Variants in FARP1 observed in about 807,000 individuals in gnomAD.
The protein encoded by FARP1 is FERM, ARHGEF and pleckstrin domain-containing protein 1.
A neutral mutation model predicts 128.8 loss-of-function variants in FARP1; 52 were observed. The observed-to-expected ratio is 0.40, with a 90% CI of 0.32 to 0.51. FARP1 has a LOEUF of 0.51. Ranked by LOEUF, FARP1 falls within the 20% of genes least tolerant of loss-of-function variation. The probability of loss-of-function intolerance (pLI) is 0.45; values close to 1 mark genes in which losing one functional copy is unlikely to be tolerated. For synonymous variants in FARP1, 580 were observed against 551.8 expected (o/e 1.05, Z -0.72); for missense variants, 1,333 against 1,367.9 (o/e 0.97, Z 0.40).
chr13:98,226,967 G>A (rs1881816869), intron 2 of FARP1, among the ~76,000 whole-genome samples: 1 of 151,594 alleles, frequency 6.6e-6, no homozygotes, highest in Non-Finnish European at 1.5e-5. Context: ...TTGAGATGGA[G>A]TCTTGCTCTG....
rs76240666 is a variant in FARP1 at position 98,215,141 on chromosome 13, A to G, written c.171+1728A>G. Reference sequence around the variant, plus strand: ...GAAAGTCAAGACCCCATTCCTAGCTACTATTTAGCAGCTATCCAGGAACTC... The same window carrying G: ...GAAAGTCAAGACCCCATTCCTAGCTGCTATTTAGCAGCTATCCAGGAACTC... On this transcript the variant is annotated intron_variant, in intron 2 of 26. Transcript: ENST00000319562. 1.4e-3 allele frequency among the ~76,000 whole-genome samples: 210 copies of G among 152,294 alleles called. 1 individual carries two copies. Among genetic ancestry groups the G allele is most frequent in the African/African-American group, 4.8e-3 (201 of 41,556 alleles).
chr13:98,363,373 G>T lies in FARP1; in HGVS notation c.277-2022G>T, dbSNP rs1888952920. On this transcript the variant is annotated intron_variant, in intron 3 of 26. Coordinates refer to ENST00000319562, the MANE Select transcript of FARP1 (RefSeq NM_005766.4). ...CTTCCGTGTGTATTGCATATATATAGAATTTTCTGCATATTGTGGTGTTTT... is the reference window on the plus strand; with the variant it reads ...CTTCCGTGTGTATTGCATATATATATAATTTTCTGCATATTGTGGTGTTTT... 2.6e-5 allele frequency among the ~76,000 whole-genome samples: 4 copies of T among 152,200 alleles called. No individual in the cohort carries two copies. In the South Asian group the frequency reaches 8.3e-4, roughly 32 times the overall value.
rs780995828 is a variant in FARP1 at position 98,446,209 on chromosome 13, A to G, written c.2904+4A>G. ...GTTCTTCTACAAATCACACCAGGTA[A>G]GTGTCTCGCACAGGGCAGGTGGCCC... On this transcript the variant is annotated splice_donor_region_variant and intron_variant, in intron 25 of 26. Coordinates refer to ENST00000319562, the MANE Select transcript of FARP1 (RefSeq NM_005766.4). 2.5e-6 allele frequency: 4 copies of G among 1,601,624 alleles called. No individual in the cohort carries two copies. Among genetic ancestry groups the G allele is most frequent in the Non-Finnish European group, 3.4e-6 (4 of 1,168,928 alleles).
rs145416263 is a variant in FARP1, at chr13:98,282,293, A to G, written c.172-61469A>G. On this transcript the variant is annotated intron_variant, in intron 2 of 26. Transcript: ENST00000319562. The stretch of plus-strand genomic sequence containing the variant: ...ACAGAGTGGGACCCTGTCTCAAAAA[A>G]GGAAAAAACAAAAAACAAAAACCCC... 1.1e-3 allele frequency among the ~76,000 whole-genome samples: 168 copies of G among 152,308 alleles called. 2 individuals are homozygous for G. In the East Asian group the frequency reaches 0.029, roughly 26 times the overall value.
intron 2 of FARP1, among the ~76,000 whole-genome samples, chr13:98,324,276 C>T (rs928481877): frequency 2.0e-5 from 3 of 152,154 alleles, no homozygotes; most frequent in Non-Finnish European, 4.4e-5. Flanking sequence ...AAGGAAGCCT[C>T]ATTTTCATGA....
intron 1 of FARP1, among the ~76,000 whole-genome samples, chr13:98,198,468 C>T (rs937719392): frequency 1.3e-5 from 2 of 152,172 alleles, no homozygotes; most frequent in African/African-American, 4.8e-5. Flanking sequence ...CGCGGTGGCT[C>T]ATACTGTAAT....
At chr13:98,370,707 C>T (rs540574476) in intron 5 of FARP1, among the ~76,000 whole-genome samples, 2 of 152,160 alleles carry the variant, frequency 1.3e-5, no homozygotes, top group South Asian at 4.1e-4. Context: ...GTCCCATGAC[C>T]ACAGCAGCAG....
rs1414087367 is a variant in FARP1 at position 98,378,288 on chromosome 13, A to T, written c.496+370A>T. ...TTGAATATGGCATAGTAGCCTTAAGACATAATACTGCCACCGATTTCACTT... is the reference window on the plus strand; with the variant it reads ...TTGAATATGGCATAGTAGCCTTAAGTCATAATACTGCCACCGATTTCACTT... On this transcript the variant is annotated intron_variant, in intron 6 of 26. Coordinates refer to ENST00000319562, the MANE Select transcript of FARP1 (RefSeq NM_005766.4). Among the ~76,000 whole-genome samples, 13 of 152,318 alleles carry T rather than the reference A, an allele frequency of 8.5e-5. No individual in the cohort carries two copies. In the South Asian group the frequency reaches 2.3e-3, roughly 27 times the overall value.
intron 2 of FARP1, among the ~76,000 whole-genome samples, chr13:98,279,104 G>A (rs756202481): frequency 2.0e-5 from 3 of 151,844 alleles, no homozygotes; most frequent in Non-Finnish European, 4.4e-5. Context: ...CAAAGTGCTG[G>A]GATTACAGGC....
At chr13:98,418,693 G>A (rs548859686) in intron 16 of FARP1, among the ~76,000 whole-genome samples, 2 of 152,334 alleles carry the variant, frequency 1.3e-5, no homozygotes, top group African/African-American at 4.8e-5. Context: ...GAGTGAAACC[G>A]TTTTGCCAAT....
intron 2 of FARP1, among the ~76,000 whole-genome samples, chr13:98,340,223 A>G (rs1887909025): frequency 1.3e-5 from 2 of 152,098 alleles, no homozygotes; most frequent in Admixed American, 1.3e-4. Context: ...AGCTGGTCAG[A>G]TAATTGGTGG....
At chr13:98,314,764 A>T (rs1886649257) in intron 2 of FARP1, among the ~76,000 whole-genome samples, 1 of 152,224 alleles carries the variant, frequency 6.6e-6, no homozygotes, top group Non-Finnish European at 1.5e-5. Context: ...CCCCACGAAT[A>T]ACCCAGCTCT....
chr13:98,431,301 C>A, intron 18 of FARP1, 21 bp downstream of exon 18: 1 of 1,518,788 alleles, frequency 6.6e-7, no homozygotes, highest in African/African-American at 1.4e-5. Flanking sequence ...GGAGCCTGCG[C>A]CACCTGGTGC....
intron 2 of FARP1, among the ~76,000 whole-genome samples, chr13:98,311,777 C>T (rs562400553): frequency 7.9e-5 from 12 of 152,016 alleles, no homozygotes; most frequent in Non-Finnish European, 1.6e-4. Context: ...GAATGGCTAC[C>T]GTAATGATGG....
At chr13:98,149,001 G>A (rs530033548) in intron 1 of FARP1, among the ~76,000 whole-genome samples, 3 of 151,646 alleles carry the variant, frequency 2.0e-5, no homozygotes, top group East Asian at 3.9e-4. Context: ...ATCCTCTCAC[G>A]TCGGCCTCCC....
chr13:98,409,066 T>C (rs997802718), intron 13 of FARP1, among the ~76,000 whole-genome samples: 4 of 152,224 alleles, frequency 2.6e-5, no homozygotes, highest in African/African-American at 9.6e-5. Flanking sequence ...GGATACACTA[T>C]GCTTTTAAGC....
chr13:98,239,717 C>T (rs1882652407), intron 2 of FARP1, among the ~76,000 whole-genome samples: 3 of 151,588 alleles, frequency 2.0e-5, no homozygotes, highest in South Asian at 2.1e-4. Flanking sequence ...TGGCGGGTGG[C>T]ATTGGTTATT....
At chr13:98,310,626 A>G (rs1390245061) in intron 2 of FARP1, among the ~76,000 whole-genome samples, 1 of 152,118 alleles carries the variant, frequency 6.6e-6, no homozygotes, top group African/African-American at 2.4e-5. Context: ...GGTAGATTTT[A>G]GAGGATGGGA....
rs1180327064 is a variant in FARP1, at chr13:98,450,936, C to T, written c.*2619C>T. On this transcript the variant is annotated 3_prime_UTR_variant, in exon 27 of 27. Transcript: ENST00000319562. ...GGCGAGCTTTCTAACTCCATCAAAC[C>T]CCACCTCCCCCGACAGGAAATGCTG... 6.6e-6 allele frequency: 1 copy of T among 152,166 alleles called. No homozygotes were observed. Among genetic ancestry groups the T allele is most frequent in the African/African-American group, 2.4e-5 (1 of 41,426 alleles). The allele number at this position is 152,166 out of a possible 1,614,324, so 9.4% of individuals were successfully genotyped here. A position where few individuals can be genotyped will look rare whatever the true frequency, so the allele number is the denominator to read the frequency against.
Sources: allele counts gnomAD v4.1 joint callset (sites outside exome capture counted in the v4.1 genomes callset), GRCh38; gene constraint gnomAD v4.1.1; transcripts MANE v1.5; gene names NCBI Gene and HGNC (gene_info 2026-07-23, HGNC 2026-07-21).